The following APTX variants were observed in gnomAD, a reference collection of about 807,000 sequenced individuals.
APTX encodes forkhead-associated domain histidine triad-like protein.
In APTX, 33 loss-of-function variants were observed where a neutral mutation model predicts 42.3. The ratio of observed to expected loss-of-function variants is 0.78; its 90% confidence interval spans 0.59 to 1.04. APTX has a LOEUF of 1.04. Ranked by LOEUF, APTX falls within the 50% of genes least tolerant of loss-of-function variation. The probability of loss-of-function intolerance (pLI) is 0.00; values close to 1 mark genes in which losing one functional copy is unlikely to be tolerated. For synonymous variants in APTX, 130 were observed against 146.7 expected, an observed-to-expected ratio of 0.89 and a Z score of 0.82; for missense variants, 421 against 415.1, an observed-to-expected ratio of 1.01 and a Z score of -0.12.
chr9:33,015,154 CTGTT>C (rs1837805621), intron 1 of APTX, among the ~76,000 whole-genome samples: 1 of 152,114 alleles, frequency 6.6e-6, no homozygotes, highest in Non-Finnish European at 1.5e-5. Context: ...TATATTGTCT[CTGTT>C]TGTTGTATCC....
intron 1 of APTX, among the ~76,000 whole-genome samples, chr9:32,998,765 A>C (rs982444406): frequency 1.3e-5 from 2 of 152,078 alleles, no homozygotes; most frequent in Non-Finnish European, 2.9e-5. Context: ...GAAATACCTA[A>C]TGTAGATGAC....
chr9:32,973,986 T>C (rs1828714338), intron 7 of APTX, among the ~76,000 whole-genome samples: 1 of 151,948 alleles, frequency 6.6e-6, no homozygotes, highest in Admixed American at 6.6e-5. Context: ...ATGCTTAAGT[T>C]CTTACACACC....
chr9:33,013,466 C>T (rs1318953634), intron 1 of APTX, among the ~76,000 whole-genome samples: 3 of 152,134 alleles, frequency 2.0e-5, no homozygotes. Context: ...ATCTTCATCA[C>T]AACTTCTTCA....
intron 1 of APTX, among the ~76,000 whole-genome samples, chr9:33,010,240 T>C (rs1837442648): frequency 6.6e-6 from 1 of 152,132 alleles, no homozygotes; most frequent in South Asian, 2.1e-4. Context: ...GGGAGAGACA[T>C]GGCTATAGGA....
intron 1 of APTX, among the ~76,000 whole-genome samples, chr9:32,999,892 G>A (rs1248669033): frequency 1.3e-5 from 2 of 152,134 alleles, no homozygotes; most frequent in Non-Finnish European, 2.9e-5. Flanking sequence ...CCCGGGAGGC[G>A]GAGCTTGCAG....
At chr9:32,984,010 GTATAT>G (rs1369383343) in intron 6 of APTX, among the ~76,000 whole-genome samples, 6 of 152,254 alleles carry the variant, frequency 3.9e-5, no homozygotes, top group South Asian at 2.1e-4. Flanking sequence ...ATTTTGTTAT[GTATAT>G]TATATCACAG....
At chr9:33,017,405 T>C (rs1054455895) in intron 1 of APTX, among the ~76,000 whole-genome samples, 1 of 152,114 alleles carries the variant, frequency 6.6e-6, no homozygotes, top group Non-Finnish European at 1.5e-5. Context: ...GGGTGTCTGG[T>C]GAGGGCCTGT....
At chr9:32,982,940 CT>C (rs531575549) in intron 6 of APTX, among the ~76,000 whole-genome samples, 50 of 150,764 alleles carry the variant, frequency 3.3e-4, no homozygotes, top group African/African-American at 1.2e-3. Context: ...AATATTTATT[CT>C]TTTTTTTTCT....
chr9:33,012,597 G>C, intron 1 of APTX, among the ~76,000 whole-genome samples: 1 of 152,122 alleles, frequency 6.6e-6, no homozygotes, highest in Non-Finnish European at 1.5e-5. Context: ...TGAAGGAGAG[G>C]TCCCAGCAGA....
At chr9:33,003,880 C>A (rs138302511), upstream of APTX, among the ~76,000 whole-genome samples, 1 of 152,224 alleles carries the variant, frequency 6.6e-6, no homozygotes, top group East Asian at 1.9e-4. Context: ...CATGTACACA[C>A]CATACTTTAT....
At chr9:33,018,156 G>A (rs1419132600) in intron 1 of APTX, among the ~76,000 whole-genome samples, 1 of 150,362 alleles carries the variant, frequency 6.7e-6, no homozygotes, top group African/African-American at 2.4e-5. Context: ...TGTCACCCAG[G>A]CTGGAGCGCG....
chr9:32,997,605 G>A (rs1035195489), intron 1 of APTX, among the ~76,000 whole-genome samples: 2 of 87,108 alleles, frequency 2.3e-5, no homozygotes, highest in Non-Finnish European at 4.8e-5. Flanking sequence ...GAAACAGGGA[G>A]AAGATTCCAA....
At chr9:33,011,316 C>CTT (rs764500506) in intron 1 of APTX, among the ~76,000 whole-genome samples, 17 of 150,488 alleles carry the variant, frequency 1.1e-4, no homozygotes, top group Non-Finnish European at 1.8e-4. Context: ...GAGATGGAGT[C>CTT]TTGCTCTGTC....
intron 5 of APTX, 129 bp from the exon 6 acceptor site, chr9:32,984,986 G>A: frequency 1.2e-6 from 1 of 816,264 alleles, no homozygotes; most frequent in Non-Finnish European, 2.0e-6. Context: ...CCAGTTTTGA[G>A]AGAGGAGAGC....
At chr9:33,023,519 G>A (rs10813923) in intron 1 of APTX, among the ~76,000 whole-genome samples, 18,823 of 152,258 alleles carry the variant, frequency 0.12, 1,312 homozygotes, top group East Asian at 0.28. Context: ...CACGGCGCCC[G>A]GCCTGACTTA....
chr9:33,004,940 G>C (rs538771683), upstream of APTX, among the ~76,000 whole-genome samples: 2 of 151,822 alleles, frequency 1.3e-5, no homozygotes, highest in East Asian at 3.9e-4. Context: ...GCGCCCGGCC[G>C]CTTGTTACTT....
chr9:33,021,962 A>T (rs1340325173), intron 1 of APTX, among the ~76,000 whole-genome samples: 1 of 142,236 alleles, frequency 7.0e-6, no homozygotes, highest in Non-Finnish European at 1.5e-5. Flanking sequence ...TGTTAATTTA[A>T]AAAAAAAAAA....
intron 1 of APTX, among the ~76,000 whole-genome samples, chr9:33,021,351 A>T (rs978020546): frequency 2.0e-5 from 3 of 152,184 alleles, no homozygotes; most frequent in Admixed American, 2.0e-4. Context: ...CCAAACTGAT[A>T]TATAAAATCA....
At chr9:32,984,231 C>T (rs1587430897) in intron 6 of APTX, among the ~76,000 whole-genome samples, 1 of 152,150 alleles carries the variant, frequency 6.6e-6, no homozygotes, top group African/African-American at 2.4e-5. Context: ...ACTACGCTGT[C>T]ATTACAGAAG....
Sources: allele counts gnomAD v4.1 joint callset (sites outside exome capture counted in the v4.1 genomes callset), GRCh38; gene constraint gnomAD v4.1.1; transcripts MANE v1.5; gene names NCBI Gene and HGNC (gene_info 2026-07-23, HGNC 2026-07-21).